The following CAMKMT variants were observed in gnomAD, a reference collection of about 807,000 sequenced individuals.
CAMKMT encodes the protein calmodulin-lysine N-methyltransferase, also known as CaM KMT.
In CAMKMT, 53 loss-of-function variants were observed where a neutral mutation model predicts 48.0. That is an observed-to-expected ratio of 1.10 (90% CI 0.89 to 1.39). The LOEUF is 1.39. Ranked by LOEUF, CAMKMT falls within the 40% of genes most tolerant of loss-of-function variation. The probability of loss-of-function intolerance (pLI) is 0.00; values close to 1 mark genes in which losing one functional copy is unlikely to be tolerated. For missense variants in CAMKMT, 428 were observed against 402.7 expected, an observed-to-expected ratio of 1.06 and a Z score of -0.54; for synonymous variants, 165 against 152.3, an observed-to-expected ratio of 1.08 and a Z score of -0.61.
intron 3 of CAMKMT, among the ~76,000 whole-genome samples, chr2:44,648,931 A>G (rs965957925): frequency 6.6e-6 from 1 of 152,212 alleles, no homozygotes; most frequent in African/African-American, 2.4e-5. Context: ...CCAAATTACT[A>G]CTATAAACCC....
At chr2:44,395,051 A>G in intron 3 of CAMKMT, 1 of 442,108 alleles carries the variant, frequency 2.3e-6, no homozygotes. Context: ...AAAAAATTAT[A>G]TGTTTTCACT....
chr2:44,582,751 T>C (rs1669633694), intron 3 of CAMKMT, among the ~76,000 whole-genome samples: 1 of 152,144 alleles, frequency 6.6e-6, no homozygotes, highest in Non-Finnish European at 1.5e-5. Context: ...CATGCAGAGG[T>C]GGCTTAGAGT....
rs61406051 is a variant in CAMKMT, at chr2:44,725,880, A to C, written c.623+10527A>C. Among the ~76,000 whole-genome samples the C allele has an allele frequency of 5.3e-4, 80 of 151,878 alleles. 1 individual carries two copies. The highest frequency in any genetic ancestry group is 3.4e-3 in the Middle Eastern group (1 of 294). ...CTTTTATTTAAGATACAAGGAGTAC[A>C]TGTGCAGATTTGTTAGATGGGAATA... On this transcript the variant is annotated intron_variant, in intron 7 of 10. Transcript: ENST00000378494.
intron 3 of CAMKMT, among the ~76,000 whole-genome samples, chr2:44,441,608 C>G (rs1666668970): frequency 6.6e-6 from 1 of 151,960 alleles, no homozygotes; most frequent in East Asian, 1.9e-4. Context: ...CCAACACAGA[C>G]TGAATAATAT....
At chr2:44,584,839 G>A (rs1456870708) in intron 3 of CAMKMT, among the ~76,000 whole-genome samples, 1 of 152,082 alleles carries the variant, frequency 6.6e-6, no homozygotes, top group Non-Finnish European at 1.5e-5. Context: ...TGGATCACGA[G>A]GTCAGGAGAT....
intron 3 of CAMKMT, among the ~76,000 whole-genome samples, chr2:44,430,419 A>C (rs1479260825): frequency 6.6e-6 from 1 of 151,698 alleles, no homozygotes; most frequent in Non-Finnish European, 1.5e-5. Context: ...GCAGCCTCTC[A>C]TCAGTGGACA....
At chr2:44,513,966 G>A (rs1285261064) in intron 3 of CAMKMT, among the ~76,000 whole-genome samples, 1 of 152,010 alleles carries the variant, frequency 6.6e-6, no homozygotes, top group Non-Finnish European at 1.5e-5. Flanking sequence ...GCCAGGCATG[G>A]TAGTGCATGC....
chr2:44,366,511 A>T lies in CAMKMT; in HGVS notation c.138+4366A>T, dbSNP rs187955034. On this transcript the variant is annotated intron_variant, in intron 1 of 10. Coordinates refer to ENST00000378494, the MANE Select transcript of CAMKMT (RefSeq NM_024766.5). ...TGTTCATCTTTTTAAGCCATCTTGA[A>T]TCCTTTTGGTAATAGTTGTCATATA... is the stretch of plus-strand genomic sequence containing the variant. 1.0e-3 allele frequency among the ~76,000 whole-genome samples: 158 copies of T among 152,278 alleles called. 1 individual carries two copies. Among genetic ancestry groups the T allele is most frequent in the African/African-American group, 3.8e-3 (157 of 41,546 alleles).
At chr2:44,663,540 C>T (rs1674793999) in intron 3 of CAMKMT, among the ~76,000 whole-genome samples, 1 of 152,162 alleles carries the variant, frequency 6.6e-6, no homozygotes, top group Admixed American at 6.5e-5. Context: ...GTTCATTATT[C>T]TCCACTCAAG....
intron 3 of CAMKMT, among the ~76,000 whole-genome samples, chr2:44,394,031 C>G (rs914006049): frequency 1.3e-5 from 2 of 152,082 alleles, no homozygotes; most frequent in Admixed American, 1.3e-4. Flanking sequence ...ATGCTTGGGT[C>G]TGTAGTAGAT....
chr2:44,584,808 A>C (rs1475930180), intron 3 of CAMKMT, among the ~76,000 whole-genome samples: 1 of 152,118 alleles, frequency 6.6e-6, no homozygotes. Flanking sequence ...TAATCCCAGC[A>C]CTTTGGGAGG....
intron 3 of CAMKMT, among the ~76,000 whole-genome samples, chr2:44,490,629 T>C (rs968772577): frequency 2.1e-4 from 31 of 151,074 alleles, no homozygotes; most frequent in African/African-American, 7.5e-4. Context: ...TTTTGAAGTA[T>C]TCTGGATTTC....
chr2:44,414,681 C>T (rs544739462), intron 3 of CAMKMT, among the ~76,000 whole-genome samples: 1 of 152,152 alleles, frequency 6.6e-6, no homozygotes, highest in Non-Finnish European at 1.5e-5. Context: ...GAGGGGACTA[C>T]ACAGGGTGGA....
At chr2:44,682,856 T>C (rs562469185) in intron 3 of CAMKMT, among the ~76,000 whole-genome samples, 4 of 152,348 alleles carry the variant, frequency 2.6e-5, no homozygotes, top group African/African-American at 9.6e-5. Flanking sequence ...ATTACTCTTT[T>C]ATTATGATTG....
intron 3 of CAMKMT, among the ~76,000 whole-genome samples, chr2:44,466,846 C>A (rs1376034314): frequency 6.6e-6 from 1 of 152,102 alleles, no homozygotes; most frequent in East Asian, 1.9e-4. Flanking sequence ...TGCCACAGAA[C>A]TGAAAAGGAC....
intron 3 of CAMKMT, among the ~76,000 whole-genome samples, chr2:44,499,222 G>A (rs1020516991): frequency 6.6e-6 from 1 of 152,124 alleles, no homozygotes; most frequent in South Asian, 2.1e-4. Context: ...TGCTAACAAG[G>A]ACTGTCTTCA....
chr2:44,543,511 A>T (rs1282410357), intron 3 of CAMKMT, among the ~76,000 whole-genome samples: 1 of 152,210 alleles, frequency 6.6e-6, no homozygotes, highest in Non-Finnish European at 1.5e-5. Flanking sequence ...CAAAGAACTG[A>T]CTGTGGTGCT....
At chr2:44,594,248 A>G in intron 3 of CAMKMT, among the ~76,000 whole-genome samples, 1 of 152,230 alleles carries the variant, frequency 6.6e-6, no homozygotes, top group East Asian at 1.9e-4. Context: ...GAAGTAATTT[A>G]TAAATTCAAT....
chr2:44,412,415 A>T (rs1015198637), intron 3 of CAMKMT, among the ~76,000 whole-genome samples: 1 of 152,158 alleles, frequency 6.6e-6, no homozygotes, highest in Non-Finnish European at 1.5e-5. Context: ...GGCTCACTGC[A>T]ACCTCTGCCT....
Sources: allele counts gnomAD v4.1 joint callset (sites outside exome capture counted in the v4.1 genomes callset), GRCh38; gene constraint gnomAD v4.1.1; transcripts MANE v1.5; gene names NCBI Gene and HGNC (gene_info 2026-07-23, HGNC 2026-07-21).